The following CCAR2 variants were observed in gnomAD, a reference collection of about 807,000 sequenced individuals.
The protein encoded by CCAR2 is cell cycle and apoptosis regulator 2.
A neutral mutation model predicts 108.1 loss-of-function variants in CCAR2; 21 were observed. That is an observed-to-expected ratio of 0.19 (90% confidence interval 0.14 to 0.28). The LOEUF is 0.28. CCAR2 is among the 10% of genes least tolerant of loss of function. CCAR2 has a pLI of 1.00. For missense variants in CCAR2, 1,126 were observed against 1,177.0 expected (o/e 0.96, Z 0.63); for synonymous variants, 577 against 472.8 (o/e 1.22, Z -2.86).
intron 1 of CCAR2, 98 bp downstream of exon 1, chr8:22,604,940 G>T: frequency 5.6e-6 from 2 of 354,046 alleles, no homozygotes; most frequent in Admixed American, 3.8e-5. Context: ...AGATGCGTGG[G>T]GCGCGGAAGG....
chr8:22,606,638 T>C lies in CCAR2; in HGVS notation c.182T>C (p.Ile61Thr). Residue 61 changes from isoleucine (I) to threonine (T), a missense_variant, in exon 4 of 21, where the codon ATT becomes ACT. Physicochemically the swap from Ile to Thr is moderately conservative, Grantham distance 89. This residue lies in a region of CCAR2 where 17 missense variants were observed against 56.1 expected (regional missense o/e 0.30). Coordinates refer to ENST00000308511, the MANE Select transcript of CCAR2 (RefSeq NM_001393997.1). ...GAGAAACAGCGGGTCTTCACTGGTA[T>C]TGTTACCAGCTTGCATGACTACTTT... is the stretch of plus-strand genomic sequence containing the variant. ...GGEKQRVFTG[I>T]VTSLHDYFGV... The C allele has an allele frequency of 6.2e-7, 1 of 1,614,212 alleles. No homozygotes were observed. Among genetic ancestry groups the C allele is most frequent in the Non-Finnish European group, 8.5e-7 (1 of 1,180,024 alleles).
At chr8:22,616,584 G>C (rs1053893250) in intron 14 of CCAR2, 1 of 319,522 alleles carries the variant, frequency 3.1e-6, no homozygotes, top group Non-Finnish European at 6.0e-6. Flanking sequence ...TTGGGAGACC[G>C]AGGTGGGCAG....
chr8:22,616,239 G>T lies in CCAR2; in HGVS notation c.1836G>T (p.Glu612Asp), dbSNP rs889591521. The T allele has an allele frequency of 6.2e-7, 1 of 1,612,334 alleles. No individual in the cohort carries two copies. Residue 612 changes from glutamate to aspartate, a missense_variant, in exon 14 of 21, where the codon GAG (glutamate) becomes GAT (aspartate). Transcript: ENST00000308511. ...ATGAGGGCCCGGCTACAGAGTCAGA[G>T]GCCCCGCTGGTGAGTACCCTGCCAC... ...AQNEGPATES[E>D]APLKEDGLLP... is the part of the protein sequence containing the mutation.
At chr8:22,616,289 T>C (rs1338258530) in intron 14 of CCAR2, 41 bp downstream of exon 14, 1 of 1,573,892 alleles carries the variant, frequency 6.4e-7, no homozygotes, top group Non-Finnish European at 8.7e-7. Context: ...GTGCTTACCG[T>C]GACCGCGCAC....
In CCAR2 at chr8:22,615,421, G is replaced by T. The variant is rs780174282; in HGVS notation, c.1206-4G>T. The T allele has an allele frequency of 1.9e-6, 3 of 1,612,756 alleles. No individual in the cohort carries two copies. In the South Asian group the frequency reaches 3.3e-5, roughly 18 times the overall value. On this transcript the variant is annotated splice_polypyrimidine_tract_variant and splice_region_variant and intron_variant, in intron 11 of 20. Transcript: ENST00000308511. ...AAGTTAGTACCTCCTTTTGCCATGTGCAGGTGGCGCTTTGCCGAGTTTCAG... is the reference window on the plus strand; with the variant it reads ...AAGTTAGTACCTCCTTTTGCCATGTTCAGGTGGCGCTTTGCCGAGTTTCAG...
chr8:22,619,845 G>T lies in CCAR2; in HGVS notation c.*163G>T. 1.4e-6 allele frequency: 1 copy of T among 710,928 alleles called. No individual in the cohort carries two copies. Among genetic ancestry groups the T allele is most frequent in the Admixed American group, 2.3e-5 (1 of 43,468 alleles). 44.0% of individuals were successfully genotyped at this position (710,928 alleles called of 1,614,324 possible). ...GGGGACGGCAGGCCATCAGGCTGGG[G>T]GCTGTGCTATGTGGGATGGATGTGT... On this transcript the variant is annotated 3_prime_UTR_variant, in exon 21 of 21. Coordinates refer to ENST00000308511, the MANE Select transcript of CCAR2 (RefSeq NM_001393997.1).
intron 7 of CCAR2, among the ~76,000 whole-genome samples, chr8:22,611,703 G>A (rs1352557473): frequency 6.6e-6 from 1 of 152,124 alleles, no homozygotes; most frequent in Non-Finnish European, 1.5e-5. Flanking sequence ...GCATAATCCT[G>A]AGTGTTTTAA....
chr8:22,614,681 C>T (rs188946658), intron 10 of CCAR2, 157 bp from the exon 11 acceptor site: 42 of 1,068,048 alleles, frequency 3.9e-5, no homozygotes, highest in Admixed American at 9.9e-5. Context: ...TCAGAGAGAG[C>T]GAGGTGGCTG....
chr8:22,610,857 TG>T (rs1313753899), intron 7 of CCAR2, among the ~76,000 whole-genome samples: 1 of 152,220 alleles, frequency 6.6e-6, no homozygotes, highest in South Asian at 2.1e-4. Context: ...TCATGTGACA[TG>T]GGGGGTTTTC....
intron 14 of CCAR2, 150 bp downstream of exon 14, chr8:22,616,398 C>T: frequency 1.4e-6 from 1 of 702,410 alleles, no homozygotes. Context: ...GTAAGTAGCA[C>T]ACCTAGTGCA....
At position 22,604,797 on chromosome 8, in the gene CCAR2, G is replaced by A. The variant is rs1800993819; in HGVS notation, c.-84G>A. The A allele has an allele frequency of 6.6e-6, 3 of 455,660 alleles. No homozygotes were observed. Among genetic ancestry groups the A allele is most frequent in the Non-Finnish European group, 1.3e-5 (3 of 226,888 alleles). The allele number at this position is 455,660 out of a possible 1,614,324, so 28.2% of individuals were successfully genotyped here. On this transcript the variant is annotated 5_prime_UTR_variant, in exon 1 of 21. Transcript: ENST00000308511. ...GGCGGCGGCAGCAGCGGCTGTGGTG[G>A]TTCCGGGTGTCTTTGTCCCCCCGGT...
At chr8:22,609,444 G>T (rs1029110352) in intron 7 of CCAR2, among the ~76,000 whole-genome samples, 2 of 152,138 alleles carry the variant, frequency 1.3e-5, no homozygotes, top group Admixed American at 6.6e-5. Context: ...GGGCCACCAC[G>T]CCCGGCCCAT....
At chr8:22,621,424 A>G (rs1260133268), downstream of CCAR2, 1 of 1,612,742 alleles carries the variant, frequency 6.2e-7, no homozygotes, top group Non-Finnish European at 8.5e-7. Flanking sequence ...ACGGGGATTC[A>G]GTCATCGGCC....
rs1010879877 is a variant in CCAR2 at position 22,604,813 on chromosome 8, T to C, written c.-68T>C. The C allele has an allele frequency of 1.3e-5, 6 of 454,834 alleles. No homozygotes were observed. Among genetic ancestry groups the C allele is most frequent in the Non-Finnish European group, 2.6e-5 (6 of 226,740 alleles). 28.2% of individuals were successfully genotyped at this position (454,834 alleles called of 1,614,324 possible). On this transcript the variant is annotated 5_prime_UTR_variant, in exon 1 of 21. Transcript: ENST00000308511. Reference sequence around the variant, plus strand: ...GCTGTGGTGGTTCCGGGTGTCTTTGTCCCCCCGGTGTCGCTGCCCTGGCCC... The same window carrying C: ...GCTGTGGTGGTTCCGGGTGTCTTTGCCCCCCCGGTGTCGCTGCCCTGGCCC...
chr8:22,614,262 A>G lies in CCAR2; in HGVS notation c.875A>G (p.Asp292Gly). Residue 292 changes from aspartate to glycine, a missense_variant, in exon 9 of 21, where the codon GAC becomes GGC. Around this residue, in one of 4 missense-constraint regions of CCAR2, gnomAD observed 1,013 missense variants for 993.9 expected, o/e 1.02. Coordinates refer to ENST00000308511, the MANE Select transcript of CCAR2 (RefSeq NM_001393997.1). Reference protein sequence around the residue: ...QVSSEKEAAPDAGAEPITADS... With the variant: ...QVSSEKEAAPGAGAEPITADS... ...TCTTCTGAAAAGGAGGCAGCTCCAG[A>G]CGCTGGTGCTGAGCCCATCACTGCA... The G allele has an allele frequency of 6.2e-7, 1 of 1,614,114 alleles. No individual in the cohort carries two copies. Among genetic ancestry groups the G allele is most frequent in the Admixed American group, 1.7e-5 (1 of 60,026 alleles).
chr8:22,608,161 A>C (rs974533621), intron 7 of CCAR2, 96 bp downstream of exon 7: 31 of 949,096 alleles, frequency 3.3e-5, no homozygotes, highest in Non-Finnish European at 4.4e-5. Flanking sequence ...AAGTGAACCC[A>C]GGTCAACTGC....
At position 22,613,075 on chromosome 8, in the gene CCAR2, A is replaced by G; in HGVS notation, c.643A>G (p.Lys215Glu). ...GGCTGGTGGAGAGCCCTGGGGTGCTAAGAAGCCAAGGCATGACCTGCCTCC... is the reference window on the plus strand; with the variant it reads ...GGCTGGTGGAGAGCCCTGGGGTGCTGAGAAGCCAAGGCATGACCTGCCTCC... ...QRAGGEPWGA[K>E]KPRHDLPPYR... The change falls in exon 8 of 21, where the codon AAG becomes GAG. Residue 215 changes from lysine to glutamate, a missense_variant. This residue lies in a region of CCAR2 where 1,013 missense variants were observed against 993.9 expected (regional missense o/e 1.02). Coordinates refer to ENST00000308511, the MANE Select transcript of CCAR2 (RefSeq NM_001393997.1). The G allele has an allele frequency of 6.2e-7, 1 of 1,613,050 alleles. No homozygotes were observed. The highest frequency in any genetic ancestry group is 1.1e-5 in the South Asian group (1 of 90,948).
chr8:22,606,211 C>A, intron 3 of CCAR2, 35 bp downstream of exon 3: 1 of 1,519,634 alleles, frequency 6.6e-7, no homozygotes, highest in Non-Finnish European at 9.1e-7. Context: ...AGTTTCAGCC[C>A]TTGGGACTGA....
intron 14 of CCAR2, among the ~76,000 whole-genome samples, chr8:22,616,866 CTTTTTTTTTTTT>C (rs36086286): frequency 7.3e-5 from 4 of 54,716 alleles, no homozygotes; most frequent in African/African-American, 1.8e-4. Flanking sequence ...TACTAGTCTG[CTTTTTTTTTTTT>C]TTTTTTTTTT....
Sources: allele counts gnomAD v4.1 joint callset (sites outside exome capture counted in the v4.1 genomes callset), GRCh38; gene constraint gnomAD v4.1.1; regional missense constraint gnomAD v4.1.1; transcripts MANE v1.5; gene names NCBI Gene and HGNC (gene_info 2026-07-23, HGNC 2026-07-21).